The following PIEZO2 variants were observed in gnomAD, a reference collection of about 807,000 sequenced individuals.
PIEZO2 encodes the protein piezo-type mechanosensitive ion channel component 2.
PIEZO2 carries 172 observed loss-of-function variants against 337.3 expected under a neutral mutation model. The observed-to-expected ratio is 0.51, with a 90% CI of 0.45 to 0.58. PIEZO2 has a LOEUF of 0.58. Ranked by LOEUF, PIEZO2 falls within the 20% of genes least tolerant of loss-of-function variation. PIEZO2 has a pLI of 0.00. For missense variants in PIEZO2, 3,028 were observed against 3,391.3 expected (o/e 0.89, Z 2.66); for synonymous variants, 1,251 against 1,228.5 (o/e 1.02, Z -0.38).
At chr18:10,674,700 T>TAATTAATA (rs2033916851) in intron 54 of PIEZO2, among the ~76,000 whole-genome samples, 1 of 152,248 alleles carries the variant, frequency 6.6e-6, no homozygotes, top group Non-Finnish European at 1.5e-5. Flanking sequence ...GTTCAAGCCA[T>TAATTAATA]GAAGTCAAGC....
intron 2 of PIEZO2, among the ~76,000 whole-genome samples, chr18:11,024,564 GAAAA>G (rs2036459575): frequency 7.3e-6 from 1 of 137,450 alleles, no homozygotes; most frequent in South Asian, 2.3e-4. Flanking sequence ...AAAAAAAAAA[GAAAA>G]AAGAAAGTAA....
intron 47 of PIEZO2, among the ~76,000 whole-genome samples, chr18:10,692,492 T>C (rs2034892658): frequency 6.8e-6 from 1 of 146,660 alleles, no homozygotes; most frequent in Non-Finnish European, 1.5e-5. Flanking sequence ...CCTTCTTTCT[T>C]TCTCTCTCTC....
At chr18:10,808,712 GA>G (rs892682661) in intron 7 of PIEZO2, among the ~76,000 whole-genome samples, 5 of 152,142 alleles carry the variant, frequency 3.3e-5, no homozygotes, top group African/African-American at 7.2e-5. Context: ...TTTCCTGAGT[GA>G]AAAAAGTTAT....
At chr18:11,020,379 C>T (rs753801469) in intron 2 of PIEZO2, among the ~76,000 whole-genome samples, 3 of 152,112 alleles carry the variant, frequency 2.0e-5, no homozygotes, top group South Asian at 2.1e-4. Context: ...TTTCTGCTTG[C>T]TTATACTGAA....
At chr18:10,768,325 T>G (rs959425137) in intron 21 of PIEZO2, among the ~76,000 whole-genome samples, 2 of 152,146 alleles carry the variant, frequency 1.3e-5, no homozygotes. Context: ...CCCTGTAGGA[T>G]GCATTCTAAA....
intron 29 of PIEZO2, among the ~76,000 whole-genome samples, chr18:10,749,631 A>G (rs889463100): frequency 1.3e-5 from 2 of 152,084 alleles, no homozygotes; most frequent in African/African-American, 4.8e-5. Context: ...TCTTGGCAGG[A>G]GTCTAACTCT....
At chr18:10,800,005 A>G (rs1326583761) in intron 11 of PIEZO2, among the ~76,000 whole-genome samples, 1 of 151,774 alleles carries the variant, frequency 6.6e-6, no homozygotes, top group Non-Finnish European at 1.5e-5. Context: ...TATATTAACC[A>G]GGAAAACCAC....
intron 3 of PIEZO2, among the ~76,000 whole-genome samples, chr18:10,976,676 T>C (rs1257437552): frequency 6.6e-6 from 1 of 152,178 alleles, no homozygotes; most frequent in African/African-American, 2.4e-5. Flanking sequence ...ATGTTCAAAC[T>C]GTATTGCAGT....
At chr18:11,063,120 T>C (rs563170049) in intron 2 of PIEZO2, among the ~76,000 whole-genome samples, 709 of 152,216 alleles carry the variant, frequency 4.7e-3, no homozygotes, top group Non-Finnish European at 6.4e-3. Flanking sequence ...GATGAGTTCA[T>C]GTCCTTTGTA....
chr18:10,741,323 T>G (rs2037210046), intron 32 of PIEZO2, among the ~76,000 whole-genome samples: 1 of 152,208 alleles, frequency 6.6e-6, no homozygotes, highest in South Asian at 2.1e-4. Flanking sequence ...ACATCTTCAC[T>G]TTCTTCTTAG....
rs965110381 is a variant in PIEZO2 at position 10,670,716 on chromosome 18, C to T, written c.*811G>A. The stretch of plus-strand genomic sequence containing the variant: ...GAGTTACAAAGTATTCTAGGTCCCA[C>T]TGGGTTGGTCTTTTTACTCTTCTGC... On this transcript the variant is annotated 3_prime_UTR_variant, in exon 56 of 56. Transcript: ENST00000674853. The T allele has an allele frequency of 2.6e-5, 4 of 152,592 alleles. No homozygotes were observed. The highest frequency in any genetic ancestry group is 4.8e-5 in the African/African-American group (2 of 41,436). 9.5% of individuals were successfully genotyped at this position (152,592 alleles called of 1,614,324 possible). A position where few individuals can be genotyped will look rare whatever the true frequency, so the allele number is the denominator to read the frequency against.
At chr18:10,789,000 A>G in intron 15 of PIEZO2, 79 bp downstream of exon 15, 1 of 1,390,278 alleles carries the variant, frequency 7.2e-7, no homozygotes, top group Non-Finnish European at 9.5e-7. Context: ...GATTCTAGTG[A>G]TTTAAAATCT....
rs2036031447 is a variant in PIEZO2, at chr18:10,716,880, A to G, written c.5090-1064T>C. 6.6e-6 allele frequency among the ~76,000 whole-genome samples: 1 copy of G among 152,182 alleles called. No homozygotes were observed. The highest frequency in any genetic ancestry group is 1.9e-4 in the East Asian group (1 of 5,186). ...CTTAGAAATGATGAAGGTGAACATT[A>G]TTACGGCGTGGTTTTGCTACAGTGG... is the stretch of plus-strand genomic sequence containing the variant. On this transcript the variant is annotated intron_variant, in intron 37 of 55. Coordinates refer to ENST00000674853, the MANE Select transcript of PIEZO2 (RefSeq NM_001378183.1). This position sits in a 1 kb window ranked among gnomAD's most constrained non-coding sequence, Gnocchi z 4.1.
intron 1 of PIEZO2, among the ~76,000 whole-genome samples, chr18:11,142,429 G>C (rs2040679355): frequency 6.6e-6 from 1 of 152,146 alleles, no homozygotes; most frequent in South Asian, 2.1e-4. Context: ...AGGTCTGGAA[G>C]GTCAAGTGGA....
chr18:10,952,907 C>T lies in PIEZO2; in HGVS notation c.286+26628G>A, dbSNP rs557722190. Among the ~76,000 whole-genome samples the T allele has an allele frequency of 6.6e-6, 1 of 151,612 alleles. No homozygotes were observed. The highest frequency in any genetic ancestry group is 2.1e-4 in the South Asian group (1 of 4,766). ...CCTTTCATCCCTCCCTCCATCCCTC[C>T]CTCCCTCCTTCCTTCCTTCTTTTTT... On this transcript the variant is annotated intron_variant, in intron 3 of 55. Transcript: ENST00000674853. This position sits in a 1 kb window ranked among gnomAD's most constrained non-coding sequence, Gnocchi z 4.1.
rs558448119 is a variant in PIEZO2, at chr18:11,146,216, C to A, written c.64+2309G>T. Among the ~76,000 whole-genome samples the A allele has an allele frequency of 1.1e-4, 17 of 152,240 alleles. No individual in the cohort carries two copies. Among genetic ancestry groups the A allele is most frequent in the African/African-American group, 3.6e-4 (15 of 41,542 alleles). ...TGGGCAGACTCAGCTGTCCCCGAGGCAAGACGCAGTTTGCATGTTGGCCAA... is the reference window on the plus strand; with the variant it reads ...TGGGCAGACTCAGCTGTCCCCGAGGAAAGACGCAGTTTGCATGTTGGCCAA... On this transcript the variant is annotated intron_variant, in intron 1 of 55. Transcript: ENST00000674853. The surrounding 1 kb of genome is among the most constrained non-coding windows in gnomAD (Gnocchi z 6.1).
At chr18:11,076,590 T>C (rs2038555490) in intron 1 of PIEZO2, among the ~76,000 whole-genome samples, 1 of 152,146 alleles carries the variant, frequency 6.6e-6, no homozygotes. Context: ...ATTTGTTGCC[T>C]TTTAATTTAG....
chr18:10,789,018 G>T lies in PIEZO2; in HGVS notation c.2169+61C>A, dbSNP rs577977553. On this transcript the variant is annotated intron_variant, in intron 15 of 55. Transcript: ENST00000674853. ...TCTAGTGATTTAAAATCTCTGCAGA[G>T]GTAGCTCATGTATACTCCTGGGAGA... is the stretch of plus-strand genomic sequence containing the variant. 1.3e-5 allele frequency: 19 copies of T among 1,456,544 alleles called. 1 individual carries two copies. Among genetic ancestry groups the T allele is most frequent in the Non-Finnish European group, 1.7e-5 (19 of 1,102,210 alleles). The allele number at this position is 1,456,544 out of a possible 1,614,324, so 90.2% of individuals were successfully genotyped here.
At chr18:10,758,445 T>C (rs2037977755) in intron 26 of PIEZO2, among the ~76,000 whole-genome samples, 1 of 152,028 alleles carries the variant, frequency 6.6e-6, no homozygotes, top group Non-Finnish European at 1.5e-5. Context: ...GAGGGTAACA[T>C]TTTTGTGTGT....
Sources: allele counts gnomAD v4.1 joint callset (sites outside exome capture counted in the v4.1 genomes callset), GRCh38; gene constraint gnomAD v4.1.1; non-coding constraint Gnocchi (gnomAD v3.1); transcripts MANE v1.5; gene names NCBI Gene and HGNC (gene_info 2026-07-23, HGNC 2026-07-21).